The following LRRIQ1 variants were observed in gnomAD, a reference collection of about 807,000 sequenced individuals.
The protein encoded by LRRIQ1 is leucine rich repeats and IQ motif containing 1.
A neutral mutation model predicts 211.9 loss-of-function variants in LRRIQ1; 210 were observed. The ratio of observed to expected loss-of-function variants is 0.99; its 90% CI spans 0.89 to 1.11. LRRIQ1 has a LOEUF of 1.11. Among genes scored for constraint, LRRIQ1 ranks in the 50% most tolerant of loss-of-function variants. The pLI is 0.00. For missense variants in LRRIQ1, 2,136 were observed against 1,939.5 expected (o/e 1.10, Z -1.90); for synonymous variants, 699 against 650.1 (o/e 1.08, Z -1.14).
At chr12:85,065,118 A>G in intron 8 of LRRIQ1, 144 bp from the exon 9 acceptor site, 2 of 594,700 alleles carry the variant, frequency 3.4e-6, no homozygotes, top group Non-Finnish European at 5.3e-6. Flanking sequence ...AGCTTAACAA[A>G]TTGAGTTGTT....
In LRRIQ1 at chr12:85,038,284, A is replaced by T; in HGVS notation, c.108A>T (p.Glu36Asp). 1 of 1,582,782 alleles carries T rather than the reference A, an allele frequency of 6.3e-7. No individual in the cohort carries two copies. ...KEDIESDAKS[E>D]TQSDDSDTDS... ...ACATTGAGAGTGATGCAAAATCAGA[A>T]ACCCAGAGTGATGATAGTGATACAG... is the stretch of plus-strand genomic sequence containing the variant. The change falls in exon 2 of 27, where the codon GAA becomes GAT. Residue 36 changes from glutamate to aspartate, a missense_variant. Glu to Asp is a conservative substitution (Grantham distance 45). Transcript: ENST00000393217.
At chr12:85,184,160 T>G (rs1396410034) in intron 24 of LRRIQ1, among the ~76,000 whole-genome samples, 2 of 152,028 alleles carry the variant, frequency 1.3e-5, no homozygotes, top group Admixed American at 6.6e-5. Flanking sequence ...AGAAGACAGT[T>G]CGACTGAAAT....
intron 24 of LRRIQ1, among the ~76,000 whole-genome samples, chr12:85,210,358 A>G (rs1893781308): frequency 6.6e-6 from 1 of 152,200 alleles, no homozygotes; most frequent in South Asian, 2.1e-4. Context: ...AAACTAATAT[A>G]ATTTTTAGTT....
At chr12:85,243,424 T>C (rs754362604) in intron 26 of LRRIQ1, among the ~76,000 whole-genome samples, 1 of 149,744 alleles carries the variant, frequency 6.7e-6, no homozygotes, top group Non-Finnish European at 1.5e-5. Context: ...TTATTTATTT[T>C]ATTTTAATGT....
At position 85,056,606 on chromosome 12, in the gene LRRIQ1, T is replaced by G. The variant is rs1881108702; in HGVS notation, c.1813T>G (p.Leu605Val). 6.3e-7 allele frequency: 1 copy of G among 1,594,734 alleles called. No homozygotes were observed. The highest frequency in any genetic ancestry group is 1.4e-5 in the African/African-American group (1 of 73,718). The change falls in exon 8 of 27, where the codon TTA becomes GTA. Residue 605 changes from leucine (L) to valine (V), a missense_variant. Transcript: ENST00000393217. ...ATTATTATATAAAGATAAGGATACT[T>G]TAGTTATTTCAGTGAAACAAAGATC... is the stretch of plus-strand genomic sequence containing the variant. ...NGLLYKDKDT[L>V]VISVKQRSLS...
chr12:85,160,519 T>C lies in LRRIQ1; in HGVS notation c.4721-94T>C, dbSNP rs1890806399. 3 of 676,746 alleles carry C rather than the reference T, an allele frequency of 4.4e-6. No homozygotes were observed. The Admixed American group carries it at 7.7e-5, about 17-fold the overall frequency. The allele number at this position is 676,746 out of a possible 1,614,324, so 41.9% of individuals were successfully genotyped here. On this transcript the variant is annotated intron_variant, in intron 23 of 26. Coordinates refer to ENST00000393217, the MANE Select transcript of LRRIQ1 (RefSeq NM_001079910.2). ...TCATAGAGCTTTATAAAGTGGATTTTTTTTTTACTACCACCATATAAGAAA... is the reference window on the plus strand; with the variant it reads ...TCATAGAGCTTTATAAAGTGGATTTCTTTTTTACTACCACCATATAAGAAA...
intron 23 of LRRIQ1, among the ~76,000 whole-genome samples, chr12:85,158,403 C>T (rs1004158657): frequency 6.6e-6 from 1 of 151,810 alleles, no homozygotes; most frequent in African/African-American, 2.4e-5. Context: ...TTTTACAGCA[C>T]TGCTATACAC....
intron 15 of LRRIQ1, among the ~76,000 whole-genome samples, chr12:85,116,004 A>C (rs1156730426): frequency 2.6e-5 from 4 of 152,188 alleles, no homozygotes; most frequent in African/African-American, 9.6e-5. Flanking sequence ...GAGTTCCAGG[A>C]ATACTGTTCT....
chr12:85,055,356 T>C (rs530003930), intron 7 of LRRIQ1, among the ~76,000 whole-genome samples, 191 bp from the exon 8 acceptor site: 17 of 152,216 alleles, frequency 1.1e-4, no homozygotes, highest in Non-Finnish European at 2.4e-4. Flanking sequence ...CTTAACATGA[T>C]TCAATCTCCT....
At chr12:85,171,266 G>A (rs1891402410) in intron 24 of LRRIQ1, among the ~76,000 whole-genome samples, 1 of 152,066 alleles carries the variant, frequency 6.6e-6, no homozygotes, top group African/African-American at 2.4e-5. Context: ...AATCAAAACT[G>A]AAGAGATAAT....
chr12:85,193,211 GT>G (rs1416286998), intron 24 of LRRIQ1, among the ~76,000 whole-genome samples: 1 of 129,660 alleles, frequency 7.7e-6, no homozygotes, highest in African/African-American at 2.9e-5. Flanking sequence ...GTACCTGAAA[GT>G]GATGGGGAGA....
intron 24 of LRRIQ1, among the ~76,000 whole-genome samples, chr12:85,228,859 T>C (rs1316837135): frequency 6.6e-6 from 1 of 152,178 alleles, no homozygotes; most frequent in African/African-American, 2.4e-5. Context: ...AACTACAGAA[T>C]TGTTCTGAGT....
intron 24 of LRRIQ1, among the ~76,000 whole-genome samples, chr12:85,198,009 A>ATAATTATATTATATATTATATATAACAT (rs1893057222): frequency 1.7e-5 from 1 of 59,838 alleles, no homozygotes; most frequent in Admixed American, 3.0e-4. Context: ...TAACATATAT[A>ATAATTATATTATATATTATATATAACAT]ATATATTATA....
chr12:85,144,022 A>G (rs765523850), intron 19 of LRRIQ1, among the ~76,000 whole-genome samples: 27 of 151,544 alleles, frequency 1.8e-4, no homozygotes, highest in Non-Finnish European at 3.1e-4. Context: ...CCAGGTAGTA[A>G]GCATGGTACC....
In LRRIQ1 at chr12:85,133,166, T is replaced by A. The variant is rs1888891495; in HGVS notation, c.4210-4684T>A. 2.0e-5 allele frequency among the ~76,000 whole-genome samples: 3 copies of A among 152,316 alleles called. No individual in the cohort carries two copies. The South Asian group carries it at 6.2e-4, about 32-fold the overall frequency. On this transcript the variant is annotated intron_variant, in intron 18 of 26. Transcript: ENST00000393217. ...TCACATGCTTATCATTGTGTTTAAA[T>A]TTTCTAGTTTAATCTACATGGCAAT...
At chr12:85,048,581 GA>G (rs1879931187) in intron 6 of LRRIQ1, 1 of 150,036 alleles carries the variant, frequency 6.7e-6, no homozygotes, top group Admixed American at 6.6e-5. Flanking sequence ...AAAGAAAGAA[GA>G]AAAAAGAAAA....
chr12:85,085,765 G>T (rs557471377), intron 11 of LRRIQ1, among the ~76,000 whole-genome samples: 8 of 152,258 alleles, frequency 5.3e-5, no homozygotes, highest in South Asian at 2.1e-4. Flanking sequence ...CAGAGGACAT[G>T]GTTTCATTCT....
intron 19 of LRRIQ1, among the ~76,000 whole-genome samples, chr12:85,138,997 A>G (rs1889338433): frequency 6.9e-6 from 1 of 145,518 alleles, no homozygotes; most frequent in African/African-American, 2.6e-5. Flanking sequence ...CAAGGATATG[A>G]TGGTGAGAGA....
At chr12:85,091,029 A>AT (rs1885340236) in intron 11 of LRRIQ1, among the ~76,000 whole-genome samples, 1 of 152,102 alleles carries the variant, frequency 6.6e-6, no homozygotes, top group Non-Finnish European at 1.5e-5. Flanking sequence ...GTGAGTTCTC[A>AT]TGAGATCTGG....
Sources: allele counts gnomAD v4.1 joint callset (sites outside exome capture counted in the v4.1 genomes callset), GRCh38; gene constraint gnomAD v4.1.1; transcripts MANE v1.5; gene names NCBI Gene and HGNC (gene_info 2026-07-23, HGNC 2026-07-21).